The following TSEN2 variants were observed in gnomAD, a reference collection of about 807,000 sequenced individuals.
TSEN2 encodes the protein tRNA-splicing endonuclease subunit Sen2.
TSEN2 carries 54 observed loss-of-function variants against 59.2 expected under a neutral mutation model. The observed-to-expected ratio is 0.91, with a 90% CI of 0.73 to 1.14. The LOEUF (loss-of-function observed/expected upper bound fraction) is 1.14, where lower values mean the gene tolerates loss of function less well. Ranked by LOEUF, TSEN2 falls within the 50% of genes most tolerant of loss-of-function variation. TSEN2 has a pLI of 0.00. For synonymous variants in TSEN2, 195 were observed against 198.2 expected, an observed-to-expected ratio of 0.98 and a Z score of 0.14; for missense variants, 636 against 576.2, an observed-to-expected ratio of 1.10 and a Z score of -1.06.
chr3:12,521,569 G>C (rs563296604), intron 8 of TSEN2, among the ~76,000 whole-genome samples: 34 of 152,210 alleles, frequency 2.2e-4, no homozygotes, highest in African/African-American at 7.9e-4. Flanking sequence ...ACAGAAATTA[G>C]CTGGGTGTGG....
chr3:12,498,662 A>AGG (rs1173639007), intron 4 of TSEN2, among the ~76,000 whole-genome samples: 1 of 152,212 alleles, frequency 6.6e-6, no homozygotes, highest in Admixed American at 6.5e-5. Context: ...TGTTGCTTGA[A>AGG]GGGGGTATGC....
chr3:12,514,386 T>C (rs2055828779), intron 6 of TSEN2, among the ~76,000 whole-genome samples: 1 of 152,118 alleles, frequency 6.6e-6, no homozygotes, highest in Non-Finnish European at 1.5e-5. Flanking sequence ...GAAATCTCTT[T>C]GGAAAGTTTT....
chr3:12,509,359 C>T (rs2055188133), intron 6 of TSEN2, among the ~76,000 whole-genome samples: 1 of 151,908 alleles, frequency 6.6e-6, no homozygotes, highest in Non-Finnish European at 1.5e-5. Flanking sequence ...ACCATCACAC[C>T]CAGCTAATTT....
At chr3:12,535,921 G>A (rs538289056), downstream of TSEN2, among the ~76,000 whole-genome samples, 25 of 152,270 alleles carry the variant, frequency 1.6e-4, no homozygotes, top group Non-Finnish European at 3.4e-4. Context: ...TGATCACTCC[G>A]AGCCTTGGTT....
chr3:12,519,244 G>A (rs1199251852), intron 8 of TSEN2, 47 bp downstream of exon 8: 2 of 1,609,632 alleles, frequency 1.2e-6, no homozygotes, highest in Non-Finnish European at 1.7e-6. Flanking sequence ...GTTTATATCA[G>A]ATTCACCCTA....
chr3:12,515,753 T>C (rs2056000047), intron 6 of TSEN2, among the ~76,000 whole-genome samples: 1 of 152,198 alleles, frequency 6.6e-6, no homozygotes, highest in Non-Finnish European at 1.5e-5. Context: ...CAGTAAAATA[T>C]ATCATTATGT....
rs761769383 is a variant in TSEN2 at position 12,503,415 on chromosome 3, C to T, written c.462C>T (p.Asn154=). 7 of 1,614,188 alleles carry T rather than the reference C, an allele frequency of 4.3e-6. No homozygotes were observed. The Admixed American group carries it at 1.0e-4, about 23-fold the overall frequency. ...AGGCTCAAGTGCATGACAAGCTTAACTCTGGAATGGTTTCCAACATGGAAG... is the reference window on the plus strand; with the variant it reads ...AGGCTCAAGTGCATGACAAGCTTAATTCTGGAATGGTTTCCAACATGGAAG... ...NEEAQVHDKL[N]SGMVSNMEGT... is the part of the protein sequence containing the mutation. Residue 154 remains asparagine (N), a synonymous_variant, in exon 5 of 12, where the codon AAC becomes AAT. Coordinates refer to ENST00000284995, the MANE Select transcript of TSEN2 (RefSeq NM_025265.4).
At chr3:12,528,759 C>A in intron 8 of TSEN2, 129 bp from the exon 9 acceptor site, 3 of 911,030 alleles carry the variant, frequency 3.3e-6, no homozygotes, top group African/African-American at 3.3e-5. Flanking sequence ...GATCTGTCTA[C>A]ATATAGATTA....
rs140709691 is a variant in TSEN2 at position 12,506,762 on chromosome 3, C to T, written c.909+1531C>T. On this transcript the variant is annotated intron_variant, in intron 6 of 11. Transcript: ENST00000284995. The stretch of plus-strand genomic sequence containing the variant: ...AAGCTAGGACCGCTTCTTGGGCTCC[C>T]CTCTTCTCCAGGAGCTCTGTGATGG... 17 of 985,318 alleles carry T rather than the reference C, an allele frequency of 1.7e-5. No homozygotes were observed. In the East Asian group the frequency reaches 1.6e-3, roughly 92 times the overall value. The allele number at this position is 985,318 out of a possible 1,614,324, so 61.0% of individuals were successfully genotyped here.
chr3:12,525,910 C>A (rs2057041574), intron 8 of TSEN2, among the ~76,000 whole-genome samples: 1 of 152,152 alleles, frequency 6.6e-6, no homozygotes, highest in South Asian at 2.1e-4. Context: ...TAATCCGTTG[C>A]ACTATGACAG....
chr3:12,522,359 A>G (rs1037721981), intron 8 of TSEN2, among the ~76,000 whole-genome samples: 1 of 151,934 alleles, frequency 6.6e-6, no homozygotes, highest in Non-Finnish European at 1.5e-5. Flanking sequence ...TCATCTAGAA[A>G]CAGATGTACA....
intron 4 of TSEN2, among the ~76,000 whole-genome samples, 185 bp from the exon 5 acceptor site, chr3:12,503,077 T>C (rs577094263): frequency 1.3e-5 from 2 of 151,598 alleles, no homozygotes; most frequent in East Asian, 1.9e-4. Context: ...CTCAAAAAAA[T>C]AAAAAAAGAA....
In TSEN2 at chr3:12,522,998, T is replaced by C. The variant is rs1411053640; in HGVS notation, c.1099+3801T>C. Among the ~76,000 whole-genome samples the C allele has an allele frequency of 2.6e-5, 4 of 152,108 alleles. No individual in the cohort carries two copies. The East Asian group carries it at 7.7e-4, about 29-fold the overall frequency. ...AATCTTCACACTCCTGTGAGGTCTGTAGTAGTAGCTTCCTTTTGTAGCAGA... is the reference window on the plus strand; with the variant it reads ...AATCTTCACACTCCTGTGAGGTCTGCAGTAGTAGCTTCCTTTTGTAGCAGA... On this transcript the variant is annotated intron_variant, in intron 8 of 11. Coordinates refer to ENST00000284995, the MANE Select transcript of TSEN2 (RefSeq NM_025265.4).
chr3:12,520,637 A>G (rs944498750), intron 8 of TSEN2, among the ~76,000 whole-genome samples: 8 of 152,084 alleles, frequency 5.3e-5, no homozygotes, highest in African/African-American at 1.7e-4. Flanking sequence ...TAAAAATACA[A>G]AAATTAGCTG....
At chr3:12,481,897 A>ATGTGTGTGTGTGTGTGTGTG (rs151178256), upstream of TSEN2, among the ~76,000 whole-genome samples, 1 of 150,014 alleles carries the variant, frequency 6.7e-6, no homozygotes, top group Admixed American at 6.6e-5. Context: ...CAGTTGATAT[A>ATGTGTGTGTGTGTGTGTGTG]TGTGTGTGTG....
At chr3:12,492,348 T>G (rs2053298526) in intron 3 of TSEN2, 131 bp downstream of exon 3, 2 of 727,396 alleles carry the variant, frequency 2.7e-6, no homozygotes, top group Non-Finnish European at 4.7e-6. Flanking sequence ...CTGCCAAAGT[T>G]AGCTAGAATA....
intron 6 of TSEN2, chr3:12,505,503 G>A (rs1273855505): frequency 5.3e-6 from 2 of 377,598 alleles, no homozygotes; most frequent in Non-Finnish European, 1.0e-5. Flanking sequence ...ATTTTAGATT[G>A]TTAGGCCGGG....
chr3:12,532,858 GT>G lies in TSEN2; in HGVS notation c.*142del. 1.2e-6 allele frequency: 1 copy of G among 813,502 alleles called. No individual in the cohort carries two copies. The allele number at this position is 813,502 out of a possible 1,614,324, so 50.4% of individuals were successfully genotyped here. A position where few individuals can be genotyped will look rare whatever the true frequency, so the allele number is the denominator to read the frequency against. On this transcript the variant is annotated 3_prime_UTR_variant, in exon 12 of 12. Coordinates refer to ENST00000284995, the MANE Select transcript of TSEN2 (RefSeq NM_025265.4). Reference sequence around the variant, plus strand: ...CTCCCAGCACCAGAAAACTATCAGTGTTTTTAAAGATAAATTACACAAGGGA... The same window carrying G: ...CTCCCAGCACCAGAAAACTATCAGTGTTTTAAAGATAAATTACACAAGGGA...
intron 3 of TSEN2, among the ~76,000 whole-genome samples, chr3:12,493,524 C>T (rs1205471630): frequency 6.6e-6 from 1 of 152,096 alleles, no homozygotes; most frequent in East Asian, 1.9e-4. Flanking sequence ...GTCAGGAGTT[C>T]GAGACTAGCC....
Sources: gnomAD v4.1 joint callset for allele counts (sites outside exome capture counted in the v4.1 genomes callset) on GRCh38, gnomAD v4.1.1 for gene constraint, MANE v1.5 for transcripts, NCBI Gene and HGNC (gene_info 2026-07-23, HGNC 2026-07-21) for gene names.